The following GPC6 variants were observed in gnomAD, a reference collection of about 807,000 sequenced individuals.
The protein encoded by GPC6 is glypican-6.
GPC6 carries 14 observed loss-of-function variants against 55.2 expected under a neutral mutation model. The observed-to-expected ratio is 0.25, with a 90% CI of 0.17 to 0.40. GPC6 has a LOEUF of 0.40. Among genes scored for constraint, GPC6 ranks in the 10% least tolerant of loss-of-function variants. The probability of loss-of-function intolerance (pLI) is 1.00; values close to 1 mark genes in which losing one functional copy is unlikely to be tolerated. For synonymous variants in GPC6, 278 were observed against 259.6 expected (o/e 1.07, Z -0.68); for missense variants, 641 against 708.5 (o/e 0.90, Z 1.08).
chr13:94,250,617 G>A (rs924975402), intron 4 of GPC6, among the ~76,000 whole-genome samples: 1 of 152,090 alleles, frequency 6.6e-6, no homozygotes, highest in Admixed American at 6.6e-5. Flanking sequence ...AAGTAAAACT[G>A]CAAACAAAAC....
At chr13:94,024,452 T>A (rs1367805004) in intron 3 of GPC6, among the ~76,000 whole-genome samples, 1 of 152,114 alleles carries the variant, frequency 6.6e-6, no homozygotes, top group Admixed American at 6.6e-5. Flanking sequence ...AGTCTTCAGT[T>A]TGAAGTGATG....
intron 3 of GPC6, among the ~76,000 whole-genome samples, chr13:93,943,609 A>G (rs903454934): frequency 1.3e-5 from 2 of 151,868 alleles, no homozygotes; most frequent in African/African-American, 4.8e-5. Flanking sequence ...TTTCTGCCTC[A>G]CAGTCTCTTT....
intron 4 of GPC6, among the ~76,000 whole-genome samples, chr13:94,157,519 G>A (rs1566478886): frequency 6.6e-6 from 1 of 152,144 alleles, no homozygotes; most frequent in African/African-American, 2.4e-5. Context: ...AATGGCCCAG[G>A]GAGTGTTCTC....
At chr13:93,473,253 A>G (rs899994806) in intron 1 of GPC6, among the ~76,000 whole-genome samples, 47 of 152,176 alleles carry the variant, frequency 3.1e-4, no homozygotes, top group Admixed American at 3.3e-4. Context: ...AGGGGCACCT[A>G]TAGGTCAGTG....
chr13:93,240,339 C>T (rs890946537), intron 1 of GPC6, among the ~76,000 whole-genome samples: 1 of 151,992 alleles, frequency 6.6e-6, no homozygotes, highest in Admixed American at 6.5e-5. Flanking sequence ...GTTGTTATCT[C>T]TTCTTGTTGA....
At chr13:93,544,211 T>A (rs1594252531) in intron 1 of GPC6, among the ~76,000 whole-genome samples, 1 of 152,178 alleles carries the variant, frequency 6.6e-6, no homozygotes, top group Non-Finnish European at 1.5e-5. Flanking sequence ...AACTTTTTTT[T>A]ATTCTGCTGT....
chr13:93,233,835 G>C (rs759709566), intron 1 of GPC6, among the ~76,000 whole-genome samples: 15 of 152,070 alleles, frequency 9.9e-5, no homozygotes, highest in Admixed American at 3.3e-4. Context: ...GGGCCCAAAG[G>C]TCAGGTTAAT....
chr13:94,147,682 C>A (rs868774874), intron 4 of GPC6, among the ~76,000 whole-genome samples: 1 of 152,094 alleles, frequency 6.6e-6, no homozygotes, highest in African/African-American at 2.4e-5. Context: ...GGCTCTGTGA[C>A]CCTGGGCAAG....
At chr13:94,001,025 C>A (rs1411508454) in intron 3 of GPC6, among the ~76,000 whole-genome samples, 1 of 152,100 alleles carries the variant, frequency 6.6e-6, no homozygotes, top group African/African-American at 2.4e-5. Flanking sequence ...GAGCTTTTTA[C>A]CTCCTATAAA....
At chr13:93,322,414 T>A (rs1269027339) in intron 1 of GPC6, among the ~76,000 whole-genome samples, 2 of 145,604 alleles carry the variant, frequency 1.4e-5, no homozygotes, top group Non-Finnish European at 3.0e-5. Flanking sequence ...AAGTTAATTC[T>A]TTTTTTTTTC....
At chr13:94,210,770 A>G (rs982080307) in intron 4 of GPC6, among the ~76,000 whole-genome samples, 1 of 152,200 alleles carries the variant, frequency 6.6e-6, no homozygotes, top group Non-Finnish European at 1.5e-5. Context: ...ATAAATGTTT[A>G]TTTATTTGGT....
At chr13:93,347,094 G>C (rs1195012513) in intron 1 of GPC6, among the ~76,000 whole-genome samples, 1 of 152,044 alleles carries the variant, frequency 6.6e-6, no homozygotes, top group African/African-American at 2.4e-5. Context: ...TGTTCTTTTT[G>C]AACATGTAGG....
chr13:93,390,200 TAGA>T (rs1875567652), intron 1 of GPC6, among the ~76,000 whole-genome samples: 1 of 151,846 alleles, frequency 6.6e-6, no homozygotes. Context: ...TTCCTTTGAC[TAGA>T]AGGTTTAGTT....
chr13:93,848,898 CA>C (rs1324816073), intron 3 of GPC6, among the ~76,000 whole-genome samples: 6 of 152,088 alleles, frequency 3.9e-5, no homozygotes, highest in African/African-American at 1.4e-4. Flanking sequence ...TTGCCTCACT[CA>C]AAACTTGCTA....
rs1182873334 is a variant in GPC6 at position 93,763,817 on chromosome 13, C to T, written c.320-66337C>T. Among the ~76,000 whole-genome samples the T allele has an allele frequency of 2.5e-5, 3 of 119,704 alleles. No individual in the cohort carries two copies. The East Asian group carries it at 8.1e-4, about 32-fold the overall frequency. The allele number at this position is 119,704 out of a possible 152,430, so 78.5% of individuals were successfully genotyped here. A position where few individuals can be genotyped will look rare whatever the true frequency, so the allele number is the denominator to read the frequency against. Reference sequence around the variant, plus strand: ...TGAGATGTTGGAATAATTAGCAAACCCTTCATCTTTATTTTTTTTTTTTAT... The same window carrying T: ...TGAGATGTTGGAATAATTAGCAAACTCTTCATCTTTATTTTTTTTTTTTAT... On this transcript the variant is annotated intron_variant, in intron 2 of 8. Transcript: ENST00000377047.
chr13:93,802,113 C>T (rs936549990), intron 2 of GPC6, among the ~76,000 whole-genome samples: 2 of 152,042 alleles, frequency 1.3e-5, no homozygotes, highest in African/African-American at 4.8e-5. Context: ...TTAATTATGA[C>T]AGTTGTTTTT....
intron 1 of GPC6, among the ~76,000 whole-genome samples, chr13:93,366,287 C>T (rs910762515): frequency 7.9e-5 from 12 of 151,874 alleles, no homozygotes; most frequent in African/African-American, 2.4e-4. Flanking sequence ...TAGACAGTGC[C>T]CTTAGATACC....
chr13:94,178,985 T>A (rs140898481), intron 4 of GPC6, among the ~76,000 whole-genome samples: 172 of 152,262 alleles, frequency 1.1e-3, no homozygotes, highest in Non-Finnish European at 1.9e-3. Context: ...TGCTACTGAG[T>A]TCCCCCTTTC....
At position 94,155,739 on chromosome 13, in the gene GPC6, A is replaced by G. The variant is rs578200009; in HGVS notation, c.877+127845A>G. Among the ~76,000 whole-genome samples, 7 of 152,272 alleles carry G rather than the reference A, an allele frequency of 4.6e-5. No individual in the cohort carries two copies. The South Asian group carries it at 1.5e-3, about 32-fold the overall frequency. ...TGCTTTTAACTCTTCAGTGACTGCT[A>G]TTTCCATTTAGGATAAAGTCCAAAG... On this transcript the variant is annotated intron_variant, in intron 4 of 8. Transcript: ENST00000377047.
Sources: gnomAD v4.1 joint callset for allele counts (sites outside exome capture counted in the v4.1 genomes callset) on GRCh38, gnomAD v4.1.1 for gene constraint, MANE v1.5 for transcripts, NCBI Gene and HGNC (gene_info 2026-07-23, HGNC 2026-07-21) for gene names.